The following ERG variants were observed in gnomAD, a reference collection of about 807,000 sequenced individuals.
The protein encoded by ERG is transcriptional regulator ERG.
Under a neutral mutation model 55.3 loss-of-function variants are expected in ERG, and 9 were observed. The ratio of observed to expected loss-of-function variants is 0.16; its 90% CI spans 0.10 to 0.28. The LOEUF (loss-of-function observed/expected upper bound fraction) is 0.28, where lower values mean the gene tolerates loss of function less well. Ranked by LOEUF, ERG falls within the 10% of genes least tolerant of loss-of-function variation. ERG has a pLI of 1.00. For synonymous variants in ERG, 223 were observed against 237.3 expected (o/e 0.94, Z 0.55); for missense variants, 434 against 631.6 (o/e 0.69, Z 3.35).
chr21:38,453,475 G>A (rs560065882), intron 1 of ERG, among the ~76,000 whole-genome samples: 27 of 152,342 alleles, frequency 1.8e-4, no homozygotes, highest in African/African-American at 5.5e-4. Flanking sequence ...AATAAACCTC[G>A]AATGCATTTG....
chr21:38,587,526 T>C (rs1202639747), upstream of ERG, among the ~76,000 whole-genome samples: 5 of 152,090 alleles, frequency 3.3e-5, no homozygotes, highest in Non-Finnish European at 7.4e-5. Context: ...ACCCGGCTAA[T>C]TTTTGTATTT....
At chr21:38,535,611 G>A (rs914406910) in intron 2 of ERG, among the ~76,000 whole-genome samples, 3 of 152,066 alleles carry the variant, frequency 2.0e-5, no homozygotes, top group Non-Finnish European at 4.4e-5. Flanking sequence ...GTGCTGGGCA[G>A]CCTGGAAGAC....
At chr21:38,514,669 C>A (rs2059538526) in intron 2 of ERG, among the ~76,000 whole-genome samples, 1 of 151,870 alleles carries the variant, frequency 6.6e-6, no homozygotes, top group Non-Finnish European at 1.5e-5. Context: ...AAAATTTAAT[C>A]ATTTGAAGTT....
chr21:38,559,265 T>C (rs1329368466), intron 2 of ERG, among the ~76,000 whole-genome samples: 1 of 151,974 alleles, frequency 6.6e-6, no homozygotes, highest in Non-Finnish European at 1.5e-5. Flanking sequence ...AGTGGGAGAA[T>C]TGCAGAGCCT....
At position 38,400,413 on chromosome 21, in the gene ERG, T is replaced by G. The variant is rs752312266; in HGVS notation, c.745+161A>C. ...TGGTCTTTGAATGAAATGGTTTGAG[T>G]GGATTTAGTCTCCAAATCAACAGAG... On this transcript the variant is annotated intron_variant, in intron 6 of 9. Coordinates refer to ENST00000288319, the MANE Select transcript of ERG (RefSeq NM_182918.4). 30 of 751,954 alleles carry G rather than the reference T, an allele frequency of 4.0e-5. No homozygotes were observed. The Middle Eastern group carries it at 1.1e-3, about 28-fold the overall frequency. 46.6% of individuals were successfully genotyped at this position (751,954 alleles called of 1,614,324 possible). A position where few individuals can be genotyped will look rare whatever the true frequency, so the allele number is the denominator to read the frequency against.
At chr21:38,520,140 G>A (rs1264289847) in intron 2 of ERG, among the ~76,000 whole-genome samples, 1 of 152,164 alleles carries the variant, frequency 6.6e-6, no homozygotes, top group Non-Finnish European at 1.5e-5. Context: ...CGGGGGAGAA[G>A]GGATAACCTT....
In ERG at chr21:38,400,428, A is replaced by G. The variant is rs147208443; in HGVS notation, c.745+146T>C. The stretch of plus-strand genomic sequence containing the variant: ...ATGGTTTGAGTGGATTTAGTCTCCA[A>G]ATCAACAGAGGCAGAATAAGACTGT... On this transcript the variant is annotated intron_variant, in intron 6 of 9. Coordinates refer to ENST00000288319, the MANE Select transcript of ERG (RefSeq NM_182918.4). 1.5e-4 allele frequency: 115 copies of G among 778,014 alleles called. 1 individual carries two copies. In the African/African-American group the frequency reaches 1.7e-3, roughly 12 times the overall value. 48.2% of individuals were successfully genotyped at this position (778,014 alleles called of 1,614,324 possible).
rs973135252 is a variant in ERG, at chr21:38,445,144, T to C, written c.236+260A>G. On this transcript the variant is annotated intron_variant, in intron 2 of 9. Coordinates refer to ENST00000288319, the MANE Select transcript of ERG (RefSeq NM_182918.4). ...TCTTTCTTTCTTTCTTCTTCTTTTT[T>C]TTTTTTTTTTTTTGTTAGCCAGAGT... 6.9e-3 allele frequency among the ~76,000 whole-genome samples: 1,037 copies of C among 150,288 alleles called. 5 individuals carry two copies. The highest frequency in any genetic ancestry group is 0.024 in the African/African-American group (996 of 41,010).
intron 1 of ERG, among the ~76,000 whole-genome samples, chr21:38,466,183 CTTG>C (rs985932672): frequency 1.3e-5 from 2 of 151,876 alleles, no homozygotes; most frequent in Non-Finnish European, 2.9e-5. Flanking sequence ...ATATTCTTGT[CTTG>C]TTGTTGTCCA....
At chr21:38,558,575 C>T (rs2059872653) in intron 2 of ERG, among the ~76,000 whole-genome samples, 1 of 152,134 alleles carries the variant, frequency 6.6e-6, no homozygotes, top group East Asian at 1.9e-4. Context: ...TAGTAAATGG[C>T]AAAAGTATGG....
chr21:38,616,647 G>A (rs1159675739), intron 1 of ERG, among the ~76,000 whole-genome samples: 1 of 151,994 alleles, frequency 6.6e-6, no homozygotes, highest in African/African-American at 2.4e-5. Context: ...GATTGGATTG[G>A]ATTGGACAAG....
chr21:38,589,620 T>C (rs2146891516), upstream of ERG, among the ~76,000 whole-genome samples: 1 of 152,278 alleles, frequency 6.6e-6, no homozygotes, highest in African/African-American at 2.4e-5. Context: ...TGTTGGCTGA[T>C]GAAGAAAGGC....
At chr21:38,603,675 A>G (rs186089501) in intron 1 of ERG, among the ~76,000 whole-genome samples, 10,924 of 152,010 alleles carry the variant, frequency 0.072, 783 homozygotes, top group African/African-American at 0.18. Context: ...ATATCACCCA[A>G]GGCAGGGAAT....
chr21:38,427,215 C>T (rs1176762729), intron 2 of ERG, among the ~76,000 whole-genome samples: 1 of 152,020 alleles, frequency 6.6e-6, no homozygotes, highest in Non-Finnish European at 1.5e-5. Context: ...GCTGGCATTA[C>T]AGGCGCCTGC....
intron 1 of ERG, among the ~76,000 whole-genome samples, chr21:38,492,011 C>T (rs571989816): frequency 1.3e-5 from 1 of 76,896 alleles, no homozygotes; most frequent in African/African-American, 3.0e-5. Flanking sequence ...AAGTAACCAG[C>T]GATAATAATT....
At chr21:38,432,462 G>A (rs1990259836) in intron 2 of ERG, among the ~76,000 whole-genome samples, 1 of 152,182 alleles carries the variant, frequency 6.6e-6, no homozygotes, top group Non-Finnish European at 1.5e-5. Flanking sequence ...TCTCCCAAGA[G>A]CACCAAATGC....
intron 1 of ERG, among the ~76,000 whole-genome samples, chr21:38,578,518 G>C (rs1294250654): frequency 6.6e-6 from 1 of 152,156 alleles, no homozygotes; most frequent in East Asian, 1.9e-4. Context: ...AGAAAGACAA[G>C]TATGACAGAT....
intron 1 of ERG, among the ~76,000 whole-genome samples, chr21:38,604,255 A>C (rs1298964789): frequency 1.2e-4 from 18 of 150,942 alleles, no homozygotes; most frequent in African/African-American, 4.1e-4. Context: ...CTCCGTCAAA[A>C]AAAAAAAAAA....
the ERG span, among the ~76,000 whole-genome samples, chr21:38,371,209 T>C: frequency 6.6e-6 from 1 of 152,072 alleles, no homozygotes; most frequent in Non-Finnish European, 1.5e-5. Flanking sequence ...TCTCAATGTA[T>C]ATGTTAGTAT....
Sources: gnomAD v4.1 joint callset for allele counts (sites outside exome capture counted in the v4.1 genomes callset) on GRCh38, gnomAD v4.1.1 for gene constraint, MANE v1.5 for transcripts, NCBI Gene and HGNC (gene_info 2026-07-23, HGNC 2026-07-21) for gene names.